The following MEIS2 variants were observed in gnomAD, a reference collection of about 807,000 sequenced individuals.
The protein encoded by MEIS2 is homeobox protein Meis2.
A neutral mutation model predicts 58.6 loss-of-function variants in MEIS2; 9 were observed. The observed-to-expected ratio is 0.15, with a 90% CI of 0.09 to 0.27. MEIS2 has a LOEUF of 0.27. MEIS2 is among the 10% of genes least tolerant of loss of function. The pLI, the probability that MEIS2 is intolerant of heterozygous loss-of-function variation, is 1.00. For synonymous variants in MEIS2, 221 were observed against 228.4 expected, an observed-to-expected ratio of 0.97 and a Z score of 0.29; for missense variants, 427 against 635.0, an observed-to-expected ratio of 0.67 and a Z score of 3.52.
intron 7 of MEIS2, among the ~76,000 whole-genome samples, chr15:37,047,529 A>G (rs1263119518): frequency 6.6e-6 from 1 of 152,166 alleles, no homozygotes; most frequent in Admixed American, 6.5e-5. Context: ...TTAATCTTTG[A>G]ACTGGTAAAT....
chr15:36,935,863 T>C (rs2058149345), intron 9 of MEIS2, among the ~76,000 whole-genome samples: 1 of 152,164 alleles, frequency 6.6e-6, no homozygotes, highest in Admixed American at 6.6e-5. Context: ...TATAATTTAT[T>C]TTATTTACAT....
At chr15:37,094,799 G>C (rs368930466) in intron 4 of MEIS2, among the ~76,000 whole-genome samples, 1 of 152,002 alleles carries the variant, frequency 6.6e-6, no homozygotes, top group African/African-American at 2.4e-5. Flanking sequence ...GACTCAACCT[G>C]AGCATAAGCA....
chr15:36,942,478 C>T (rs1287364976), intron 9 of MEIS2, among the ~76,000 whole-genome samples: 1 of 152,104 alleles, frequency 6.6e-6, no homozygotes, highest in African/African-American at 2.4e-5. Flanking sequence ...TGCTCACTCT[C>T]TTATACTTGA....
chr15:36,994,210 G>A (rs1440401043), intron 8 of MEIS2, among the ~76,000 whole-genome samples: 1 of 151,762 alleles, frequency 6.6e-6, no homozygotes, highest in Non-Finnish European at 1.5e-5. Flanking sequence ...TAAGTGAGCT[G>A]GTTAAAAAAA....
chr15:37,026,149 C>T (rs1170574275), intron 8 of MEIS2, among the ~76,000 whole-genome samples: 3 of 152,102 alleles, frequency 2.0e-5, no homozygotes, highest in Non-Finnish European at 4.4e-5. Flanking sequence ...TAACTTTTCA[C>T]CATGGGGAAA....
intron 8 of MEIS2, among the ~76,000 whole-genome samples, chr15:36,968,917 A>G (rs949051771): frequency 1.1e-4 from 16 of 152,340 alleles, no homozygotes; most frequent in African/African-American, 3.4e-4. Context: ...GTAAAAAAGT[A>G]TCTATTGAAG....
At chr15:36,922,201 G>A (rs769026391) in intron 9 of MEIS2, among the ~76,000 whole-genome samples, 2 of 152,130 alleles carry the variant, frequency 1.3e-5, no homozygotes, top group African/African-American at 4.8e-5. Flanking sequence ...GTCTGACCCC[G>A]AGGAGCTTTG....
chr15:37,007,095 T>G (rs537338807), intron 8 of MEIS2, among the ~76,000 whole-genome samples: 2 of 152,316 alleles, frequency 1.3e-5, no homozygotes, highest in South Asian at 4.1e-4. Context: ...CAGTAAGGAA[T>G]TAAACCTCTT....
intron 8 of MEIS2, among the ~76,000 whole-genome samples, chr15:37,025,512 C>T (rs1322229095): frequency 6.6e-6 from 1 of 152,042 alleles, no homozygotes; most frequent in Non-Finnish European, 1.5e-5. Flanking sequence ...ATTGTCCTCA[C>T]TATCTAAAGG....
intron 8 of MEIS2, chr15:37,036,519 T>C (rs2062161950): frequency 4.9e-6 from 1 of 205,780 alleles, no homozygotes; most frequent in African/African-American, 2.3e-5. Flanking sequence ...CCGAAGTTGC[T>C]CTCATACTTT....
intron 8 of MEIS2, among the ~76,000 whole-genome samples, chr15:37,029,501 T>C (rs567952580): frequency 8.5e-5 from 13 of 152,282 alleles, no homozygotes; most frequent in African/African-American, 3.1e-4. Context: ...AGATGTCTAA[T>C]GATAGAAATT....
At chr15:37,099,259 C>A in intron 1 of MEIS2, 196 bp downstream of exon 1, 3 of 1,450,736 alleles carry the variant, frequency 2.1e-6, no homozygotes, top group Non-Finnish European at 2.7e-6. Context: ...CACACACGCA[C>A]GCACACACAC....
chr15:36,970,329 G>A (rs1035733919), intron 8 of MEIS2, among the ~76,000 whole-genome samples: 24 of 151,880 alleles, frequency 1.6e-4, no homozygotes, highest in East Asian at 9.8e-4. Context: ...GCGTGAACCC[G>A]GGAGGCGGAG....
At chr15:36,960,983 G>C (rs2059159102) in intron 8 of MEIS2, among the ~76,000 whole-genome samples, 1 of 152,000 alleles carries the variant, frequency 6.6e-6, no homozygotes, top group South Asian at 2.1e-4. Flanking sequence ...ATTTGTTTTG[G>C]AACTCCCCAC....
intron 8 of MEIS2, among the ~76,000 whole-genome samples, chr15:36,961,619 CT>C (rs1016572995): frequency 5.9e-5 from 9 of 151,912 alleles, no homozygotes; most frequent in Admixed American, 2.6e-4. Context: ...TAATATGTGG[CT>C]TTTTTTTCCT....
intron 8 of MEIS2, among the ~76,000 whole-genome samples, chr15:36,981,945 A>C (rs2141511329): frequency 6.6e-6 from 1 of 152,088 alleles, no homozygotes; most frequent in South Asian, 2.1e-4. Flanking sequence ...CAATCCCCCA[A>C]AACCCCCAAG....
At chr15:37,053,695 G>T (rs1464128349) in intron 7 of MEIS2, among the ~76,000 whole-genome samples, 2 of 152,044 alleles carry the variant, frequency 1.3e-5, no homozygotes, top group African/African-American at 2.4e-5. Flanking sequence ...ATAACCAAGA[G>T]AATGTTTTCA....
At chr15:36,913,161 C>A (rs1231237614) in intron 9 of MEIS2, among the ~76,000 whole-genome samples, 1 of 152,226 alleles carries the variant, frequency 6.6e-6, no homozygotes, top group Non-Finnish European at 1.5e-5. Context: ...CTGCTACCAT[C>A]CAACTCAGAC....
chr15:37,041,766 T>G (rs993660991), intron 7 of MEIS2, among the ~76,000 whole-genome samples: 1 of 152,104 alleles, frequency 6.6e-6, no homozygotes, highest in South Asian at 2.1e-4. Flanking sequence ...TAGACCAGGC[T>G]TAATAGTTAA....
Sources: allele counts gnomAD v4.1 joint callset (sites outside exome capture counted in the v4.1 genomes callset), GRCh38; gene constraint gnomAD v4.1.1; transcripts MANE v1.5; gene names NCBI Gene and HGNC (gene_info 2026-07-23, HGNC 2026-07-21).